Variants in WDR70 observed in about 807,000 individuals in gnomAD.
WDR70 encodes the protein WD repeat domain 70.
WDR70 carries 53 observed loss-of-function variants against 88.6 expected under a neutral mutation model. The ratio of observed to expected loss-of-function variants is 0.60; its 90% confidence interval spans 0.48 to 0.75. WDR70 has a LOEUF of 0.75. WDR70 is among the 30% of genes least tolerant of loss of function. The probability of loss-of-function intolerance (pLI) is 0.00; values close to 1 mark genes in which losing one functional copy is unlikely to be tolerated. For missense variants in WDR70, 610 were observed against 823.2 expected (o/e 0.74, Z 3.17); for synonymous variants, 280 against 270.0 (o/e 1.04, Z -0.36).
chr5:37,466,584 T>C (rs1369063320), intron 7 of WDR70, among the ~76,000 whole-genome samples: 1 of 151,492 alleles, frequency 6.6e-6, no homozygotes, highest in South Asian at 2.1e-4. Context: ...CGGGCGCCTG[T>C]AGTCCCAGCT....
In WDR70 at chr5:37,441,089, A is replaced by T. The variant is rs190281532; in HGVS notation, c.553-2150A>T. On this transcript the variant is annotated intron_variant, in intron 6 of 17. Coordinates refer to ENST00000265107, the MANE Select transcript of WDR70 (RefSeq NM_018034.4). Reference sequence around the variant, plus strand: ...TAATTTTATATTGTGTTGTAGTGAGATGAACACTGGTGGGGTTAGCCTTAT... The same window carrying T: ...TAATTTTATATTGTGTTGTAGTGAGTTGAACACTGGTGGGGTTAGCCTTAT... Among the ~76,000 whole-genome samples the T allele has an allele frequency of 4.6e-3, 695 of 152,342 alleles. 6 individuals are homozygous for T. The highest frequency in any genetic ancestry group is 0.016 in the African/African-American group (666 of 41,584).
intron 9 of WDR70, among the ~76,000 whole-genome samples, chr5:37,552,629 A>G (rs1348966274): frequency 2.0e-5 from 3 of 152,240 alleles, no homozygotes; most frequent in Non-Finnish European, 4.4e-5. Context: ...GAAACAGATG[A>G]TAAGATGATA....
intron 3 of WDR70, among the ~76,000 whole-genome samples, chr5:37,382,693 C>T (rs1024604396): frequency 3.9e-5 from 6 of 152,070 alleles, no homozygotes; most frequent in East Asian, 1.9e-4. Flanking sequence ...TGTGAGCCAC[C>T]GCACCCGGCC....
At chr5:37,665,784 T>C (rs1316080421) in intron 10 of WDR70, among the ~76,000 whole-genome samples, 1 of 152,220 alleles carries the variant, frequency 6.6e-6, no homozygotes, top group African/African-American at 2.4e-5. Context: ...AGTTGCTTTG[T>C]CGTATAGTTG....
chr5:37,423,102 C>T (rs567776538), intron 5 of WDR70, among the ~76,000 whole-genome samples: 6 of 152,186 alleles, frequency 3.9e-5, no homozygotes, highest in African/African-American at 9.6e-5. Flanking sequence ...GGGGCCTTCT[C>T]AGTGACAAGG....
chr5:37,424,106 G>A (rs377031344), intron 5 of WDR70, among the ~76,000 whole-genome samples: 3 of 122,282 alleles, frequency 2.5e-5, no homozygotes, highest in East Asian at 4.8e-4. Context: ...CTGAGATCAC[G>A]CCACTGCATT....
chr5:37,495,637 T>G (rs1407068819), intron 8 of WDR70, among the ~76,000 whole-genome samples: 4 of 152,182 alleles, frequency 2.6e-5, no homozygotes, highest in African/African-American at 9.6e-5. Flanking sequence ...AAGGAAGAGA[T>G]ATTTTTCAGG....
At chr5:37,682,078 A>G (rs1746452449) in intron 10 of WDR70, among the ~76,000 whole-genome samples, 1 of 152,066 alleles carries the variant, frequency 6.6e-6, no homozygotes, top group African/African-American at 2.4e-5. Flanking sequence ...TTTGTCTGGT[A>G]GGCTATTTAT....
intron 9 of WDR70, among the ~76,000 whole-genome samples, chr5:37,517,898 T>C (rs1740941649): frequency 6.8e-6 from 1 of 147,802 alleles, no homozygotes; most frequent in African/African-American, 2.5e-5. Context: ...TTTATTATAT[T>C]ATTTATTTTA....
intron 10 of WDR70, among the ~76,000 whole-genome samples, chr5:37,644,094 C>T (rs1244108981): frequency 6.6e-6 from 1 of 152,040 alleles, no homozygotes; most frequent in Non-Finnish European, 1.5e-5. Flanking sequence ...AGTTTTCCCC[C>T]TAATCAGTAT....
At position 37,485,474 on chromosome 5, in the gene WDR70, T is replaced by C. The variant is rs375514986; in HGVS notation, c.840+5487T>C. Among the ~76,000 whole-genome samples the C allele has an allele frequency of 7.2e-4, 110 of 152,306 alleles. 3 individuals are homozygous for C. In the South Asian group the frequency reaches 0.022, roughly 31 times the overall value. ...TGCCATGCTTTTCCTATTTTTGTAC[T>C]GTTTGTTGGTTGTTTTGCCACTTAA... On this transcript the variant is annotated intron_variant, in intron 8 of 17. Transcript: ENST00000265107.
chr5:37,703,683 A>G (rs1337343311), intron 13 of WDR70, among the ~76,000 whole-genome samples: 1 of 152,234 alleles, frequency 6.6e-6, no homozygotes, highest in Non-Finnish European at 1.5e-5. Context: ...GCATTCATTC[A>G]TTTGTTCATG....
intron 10 of WDR70, among the ~76,000 whole-genome samples, chr5:37,644,090 C>A (rs888522083): frequency 1.3e-5 from 2 of 151,896 alleles, no homozygotes; most frequent in African/African-American, 4.8e-5. Context: ...TTTCAGTTTT[C>A]CCCCTAATCA....
chr5:37,509,789 CT>C (rs772468754), intron 8 of WDR70, among the ~76,000 whole-genome samples: 1,662 of 129,106 alleles, frequency 0.013, 23 homozygotes, highest in African/African-American at 0.035. Context: ...CCTATAGATT[CT>C]TTTTTTTTTT....
At chr5:37,748,828 C>G (rs189322485) in intron 17 of WDR70, among the ~76,000 whole-genome samples, 1 of 152,262 alleles carries the variant, frequency 6.6e-6, no homozygotes, top group East Asian at 1.9e-4. Flanking sequence ...AAAAAGAAGT[C>G]GTTTATGCGG....
intron 10 of WDR70, among the ~76,000 whole-genome samples, chr5:37,672,444 G>T (rs534318394): frequency 2.4e-4 from 36 of 152,260 alleles, no homozygotes; most frequent in South Asian, 8.3e-4. Context: ...CATTCGTTCT[G>T]TTCTGAGATA....
At chr5:37,626,628 T>G (rs1379411431) in intron 10 of WDR70, among the ~76,000 whole-genome samples, 4 of 152,140 alleles carry the variant, frequency 2.6e-5, no homozygotes, top group Non-Finnish European at 5.9e-5. Context: ...TCTGCTGGCC[T>G]TGTAGAATGA....
chr5:37,576,764 CTT>C (rs34306141), intron 9 of WDR70, among the ~76,000 whole-genome samples: 25,212 of 147,070 alleles, frequency 0.17, 2,270 homozygotes, highest in South Asian at 0.27. Context: ...ATTTGGTAGT[CTT>C]TTTTTTTTTT....
chr5:37,543,241 T>G (rs1254452899), intron 9 of WDR70, among the ~76,000 whole-genome samples: 1 of 152,160 alleles, frequency 6.6e-6, no homozygotes, highest in Non-Finnish European at 1.5e-5. Context: ...AGCTGGCTGG[T>G]TGATGTGTAA....
Sources: allele counts gnomAD v4.1 joint callset (sites outside exome capture counted in the v4.1 genomes callset), GRCh38; gene constraint gnomAD v4.1.1; transcripts MANE v1.5; gene names NCBI Gene and HGNC (gene_info 2026-07-23, HGNC 2026-07-21).